ENAM: variants seen among roughly 807,000 people sequenced by gnomAD.
ENAM encodes the protein amelogenesis imperfecta 2, hypocalcification (autosomal dominant).
A neutral mutation model predicts 33.6 loss-of-function variants in ENAM; 21 were observed. That is an observed-to-expected ratio of 0.63 (90% CI 0.44 to 0.90). The LOEUF is 0.90. Ranked by LOEUF, ENAM falls within the 40% of genes least tolerant of loss-of-function variation. ENAM has a pLI of 0.00. For synonymous variants in ENAM, 473 were observed against 468.4 expected (o/e 1.01, Z -0.13); for missense variants, 1,388 against 1,366.9 (o/e 1.02, Z -0.24).
chr4:70,644,912 T>C lies in ENAM; in HGVS notation c.*57T>C. 3.3e-6 allele frequency: 5 copies of C among 1,498,316 alleles called. No individual in the cohort carries two copies. Among genetic ancestry groups the C allele is most frequent in the Non-Finnish European group, 3.7e-6 (4 of 1,077,120 alleles). 92.8% of individuals were successfully genotyped at this position (1,498,316 alleles called of 1,614,324 possible). A position where few individuals can be genotyped will look rare whatever the true frequency, so the allele number is the denominator to read the frequency against. The stretch of plus-strand genomic sequence containing the variant: ...AGAAATCACTGACATTCTATACCAA[T>C]GGTTCCCAAAATTTTTTCCCCAAGA... On this transcript the variant is annotated 3_prime_UTR_variant, in exon 9 of 9. Transcript: ENST00000396073.
chr4:70,642,459 C>G lies in ENAM; in HGVS notation c.1033C>G (p.Gln345Glu), dbSNP rs777631891. The G allele has an allele frequency of 1.2e-6, 2 of 1,614,098 alleles. No homozygotes were observed. Among genetic ancestry groups the G allele is most frequent in the Middle Eastern group, 1.6e-4 (1 of 6,062 alleles). Residue 345 changes from glutamine (Q) to glutamate (E), a missense_variant, in exon 9 of 9, where the codon CAG (glutamine) becomes GAG (glutamate). By Grantham distance (29) the Gln-to-Glu change is conservative. Transcript: ENST00000396073. ...CACTGGTACTGTCATGGGGCACAGA[C>G]AGAATAGGCCTTTTTACAGAAATCA... ...YFTGTVMGHR[Q>E]NRPFYRNQQV...
At chr4:70,634,831 GA>G (rs1738412093) in intron 6 of ENAM, among the ~76,000 whole-genome samples, 1 of 152,180 alleles carries the variant, frequency 6.6e-6, no homozygotes, top group Non-Finnish European at 1.5e-5. Context: ...TAACAGTCGA[GA>G]ATCAAAGGTT....
chr4:70,644,110 C>T lies in ENAM; in HGVS notation c.2684C>T (p.Ser895Phe). 12 of 1,614,120 alleles carry T rather than the reference C, an allele frequency of 7.4e-6. No homozygotes were observed. The highest frequency in any genetic ancestry group is 1.0e-5 in the Non-Finnish European group (12 of 1,180,014). ...NPLALQDYTPSYGLAPGENQD... is the reference protein window; with the variant it reads ...NPLALQDYTPFYGLAPGENQD... ...CTAGCTCTACAAGACTACACTCCAT[C>T]CTATGGTCTTGCACCTGGGGAGAAC... The change falls in exon 9 of 9, where the codon TCC (serine) becomes TTC (phenylalanine). Residue 895 changes from serine (S) to phenylalanine (F), a missense_variant. By Grantham distance (155) the Ser-to-Phe change is radical. Coordinates refer to ENST00000396073, the MANE Select transcript of ENAM (RefSeq NM_031889.3).
intron 6 of ENAM, among the ~76,000 whole-genome samples, chr4:70,635,312 G>T (rs1312176024): frequency 1.3e-5 from 2 of 152,278 alleles, no homozygotes; most frequent in Non-Finnish European, 2.9e-5. Flanking sequence ...GGGAGGTGGA[G>T]GTTGCAATGA....
chr4:70,632,389 A>G (rs2109819855), intron 4 of ENAM, among the ~76,000 whole-genome samples: 1 of 152,210 alleles, frequency 6.6e-6, no homozygotes, highest in Admixed American at 6.5e-5. Flanking sequence ...TTTATTTTCT[A>G]TGATTCTCTA....
In ENAM at chr4:70,635,857, T is replaced by A; in HGVS notation, c.497T>A (p.Leu166Gln). ...GCATTCCCACCATTTGGAAATGGGC[T>A]ATTCCCCTATCAACAACCACCATGG... ...PQAFPPFGNG[L>Q]FPYQQPPWQI... Residue 166 changes from leucine (L) to glutamine (Q), a missense_variant, in exon 7 of 9, where the codon CTA becomes CAA. Leu to Gln is a moderately radical substitution (Grantham distance 113, BLOSUM62 -2). Coordinates refer to ENST00000396073, the MANE Select transcript of ENAM (RefSeq NM_031889.3). The A allele has an allele frequency of 6.2e-7, 1 of 1,609,262 alleles. No homozygotes were observed. The highest frequency in any genetic ancestry group is 2.2e-5 in the East Asian group (1 of 44,764).
chr4:70,642,178 C>T lies in ENAM; in HGVS notation c.752C>T (p.Thr251Met), dbSNP rs188769287. Residue 251 changes from threonine to methionine, a missense_variant, in exon 9 of 9, where the codon ACG (threonine) becomes ATG (methionine). Coordinates refer to ENST00000396073, the MANE Select transcript of ENAM (RefSeq NM_031889.3). ...ACAGCTAATTCAACAGTCACTGAGA[C>T]GAATTCTACCCAACCAAATCCTAAA... ...EPTANSTVTE[T>M]NSTQPNPKGS... 23 of 1,614,104 alleles carry T rather than the reference C, an allele frequency of 1.4e-5. No homozygotes were observed. Among genetic ancestry groups the T allele is most frequent in the Middle Eastern group, 1.6e-4 (1 of 6,062 alleles).
At chr4:70,629,882 A>G (rs1738267046) in intron 2 of ENAM, among the ~76,000 whole-genome samples, 1 of 152,188 alleles carries the variant, frequency 6.6e-6, no homozygotes, top group Admixed American at 6.5e-5. Context: ...AAGGCTACAT[A>G]TATTATCAAG....
intron 5 of ENAM, 149 bp downstream of exon 5, chr4:70,632,841 C>T (rs1312287756): frequency 1.6e-5 from 11 of 689,022 alleles, no homozygotes; most frequent in African/African-American, 3.6e-5. Flanking sequence ...AAAATTATTG[C>T]CCCTATCCTC....
chr4:70,644,182 C>T lies in ENAM; in HGVS notation c.2756C>T (p.Thr919Ile). The change falls in exon 9 of 9, where the codon ACA becomes ATA. Residue 919 changes from threonine (T) to isoleucine (I), a missense_variant. Coordinates refer to ENST00000396073, the MANE Select transcript of ENAM (RefSeq NM_031889.3). ...LYTDGSHTKQ[T>I]RDIISPTSIL... ...ACAGACGGTAGTCATACCAAGCAGA[C>T]AAGAGATATCATCTCCCCAACAAGC... 4 of 1,614,088 alleles carry T rather than the reference C, an allele frequency of 2.5e-6. No individual in the cohort carries two copies. Among genetic ancestry groups the T allele is most frequent in the Non-Finnish European group, 3.4e-6 (4 of 1,180,008 alleles).
intron 8 of ENAM, among the ~76,000 whole-genome samples, chr4:70,641,108 A>G (rs749819777): frequency 5.3e-5 from 8 of 152,220 alleles, no homozygotes; most frequent in Non-Finnish European, 1.0e-4. Context: ...GAGAGCAGAA[A>G]CTTAAGAAAC....
rs935468390 is a variant in ENAM, at chr4:70,628,934, T to A, written c.-91T>A. 3 of 152,548 alleles carry A rather than the reference T, an allele frequency of 2.0e-5. No homozygotes were observed. The highest frequency in any genetic ancestry group is 2.9e-5 in the Non-Finnish European group (2 of 68,294). 9.4% of individuals were successfully genotyped at this position (152,548 alleles called of 1,614,324 possible). A position where few individuals can be genotyped will look rare whatever the true frequency, so the allele number is the denominator to read the frequency against. On this transcript the variant is annotated 5_prime_UTR_variant, in exon 1 of 9. Transcript: ENST00000396073. ...AACAAAGTTCAAGTAAAAATTATTT[T>A]TTATATATTACAGCTTCTAATTGGC...
At chr4:70,631,336 C>T (rs1738312009) in intron 2 of ENAM, among the ~76,000 whole-genome samples, 1 of 151,986 alleles carries the variant, frequency 6.6e-6, no homozygotes, top group African/African-American at 2.4e-5. Flanking sequence ...GGATAACCTC[C>T]TAATTTCTAA....
At position 70,646,043 on chromosome 4, in the gene ENAM, A is replaced by T. The variant is rs1314232607; in HGVS notation, c.*1188A>T. The T allele has an allele frequency of 6.6e-6, 1 of 151,508 alleles. No homozygotes were observed. Among genetic ancestry groups the T allele is most frequent in the African/African-American group, 2.4e-5 (1 of 40,962 alleles). 9.4% of individuals were successfully genotyped at this position (151,508 alleles called of 1,614,324 possible). On this transcript the variant is annotated 3_prime_UTR_variant, in exon 9 of 9. Coordinates refer to ENST00000396073, the MANE Select transcript of ENAM (RefSeq NM_031889.3). ...TTTGGGAAACACTGTCTTAAATAAA[A>T]ACTCAATGTTTAGTTGTTTTTTTTT...
intron 4 of ENAM, among the ~76,000 whole-genome samples, chr4:70,632,427 CTTAAAAG>C (rs1738347023): frequency 2.6e-5 from 4 of 151,954 alleles, no homozygotes; most frequent in Admixed American, 2.0e-4. Flanking sequence ...AAAATTCTGA[CTTAAAAG>C]TTAAACTGCC....
chr4:70,641,401 T>A (rs6446801), intron 8 of ENAM, among the ~76,000 whole-genome samples: 18,025 of 150,018 alleles, frequency 0.12, 1,651 homozygotes, highest in East Asian at 0.25. Flanking sequence ...TTATTTATTT[T>A]TTTTTTTGAG....
rs1738668322 is a variant in ENAM, at chr4:70,643,579, A to C, written c.2153A>C (p.Glu718Ala). 4 of 1,614,116 alleles carry C rather than the reference A, an allele frequency of 2.5e-6. No individual in the cohort carries two copies. The highest frequency in any genetic ancestry group is 3.4e-6 in the Non-Finnish European group (4 of 1,180,002). ...SKPREDFYYS[E>A]FYPWSPDENF... ...CCAAGGGAGGATTTTTATTACAGTG[A>C]ATTTTACCCATGGAGCCCGGATGAG... is the stretch of plus-strand genomic sequence containing the variant. Residue 718 changes from glutamate to alanine, a missense_variant, in exon 9 of 9, where the codon GAA becomes GCA. Coordinates refer to ENST00000396073, the MANE Select transcript of ENAM (RefSeq NM_031889.3).
Position 70,632,671 on chromosome 4 carries a change from C to A in ENAM, c.189C>A (p.Phe63Leu). 6.2e-7 allele frequency: 1 copy of A among 1,604,434 alleles called. No individual in the cohort carries two copies. Among genetic ancestry groups the A allele is most frequent in the South Asian group, 1.1e-5 (1 of 90,888 alleles). The part of the protein sequence containing the change: ...KSEEMMRYNQ[F>L]NFMNGPHMAH... ...TGCAGATGATGCGGTATAATCAATTCAACTTTATGAACGGCCCACATGTAA... is the reference window on the plus strand; with the variant it reads ...TGCAGATGATGCGGTATAATCAATTAAACTTTATGAACGGCCCACATGTAA... The change falls in exon 5 of 9, where the codon TTC becomes TTA. Residue 63 changes from phenylalanine to leucine, a missense_variant. By Grantham distance (22) the Phe-to-Leu change is conservative. Coordinates refer to ENST00000396073, the MANE Select transcript of ENAM (RefSeq NM_031889.3).
chr4:70,631,662 T>C lies in ENAM; in HGVS notation c.55-8T>C, dbSNP rs1738324935. 1.2e-6 allele frequency: 2 copies of C among 1,604,792 alleles called. No homozygotes were observed. The highest frequency in any genetic ancestry group is 2.7e-5 in the African/African-American group (2 of 74,880). On this transcript the variant is annotated splice_region_variant and splice_polypyrimidine_tract_variant and intron_variant, in intron 2 of 8. Coordinates refer to ENST00000396073, the MANE Select transcript of ENAM (RefSeq NM_031889.3). The stretch of plus-strand genomic sequence containing the variant: ...AGACCAAAAATAAAAATCAATTTTT[T>C]ATTCTAGGTACCAAAAGGCAAAATG...
Sources: gnomAD v4.1 joint callset for allele counts (sites outside exome capture counted in the v4.1 genomes callset) on GRCh38, gnomAD v4.1.1 for gene constraint, MANE v1.5 for transcripts, NCBI Gene and HGNC (gene_info 2026-07-23, HGNC 2026-07-21) for gene names.